Variants in UNKL observed in about 807,000 individuals in gnomAD.
UNKL encodes the protein unk like zinc finger.
In UNKL, 60 loss-of-function variants were observed where a neutral mutation model predicts 78.0. The observed-to-expected ratio is 0.77, with a 90% confidence interval of 0.63 to 0.95. UNKL has a LOEUF of 0.95. UNKL is among the 40% of genes least tolerant of loss of function. The pLI is 0.00. For synonymous variants in UNKL, 608 were observed against 474.8 expected, an observed-to-expected ratio of 1.28 and a Z score of -3.65; for missense variants, 1,159 against 1,045.7, an observed-to-expected ratio of 1.11 and a Z score of -1.49.
intron 2 of UNKL, among the ~76,000 whole-genome samples, chr16:1,406,965 C>T (rs994593738): frequency 6.6e-6 from 1 of 151,798 alleles, no homozygotes; most frequent in Non-Finnish European, 1.5e-5. Context: ...ATGGTGAAAC[C>T]CCATCTCTAC....
intron 2 of UNKL, among the ~76,000 whole-genome samples, chr16:1,405,502 G>A (rs1415703555): frequency 6.6e-6 from 1 of 151,982 alleles, no homozygotes; most frequent in Non-Finnish European, 1.5e-5. Flanking sequence ...CTTGAACCCG[G>A]GAGGCGGGGG....
At chr16:1,382,564 C>A (rs2036641161) in intron 10 of UNKL, among the ~76,000 whole-genome samples, 1 of 152,180 alleles carries the variant, frequency 6.6e-6, no homozygotes, top group South Asian at 2.1e-4. Context: ...CTGGAGGGTT[C>A]TCCGGCAGGT....
chr16:1,368,429 C>T (rs565129002), intron 12 of UNKL, among the ~76,000 whole-genome samples: 40 of 151,514 alleles, frequency 2.6e-4, no homozygotes, highest in African/African-American at 8.7e-4. Flanking sequence ...GGTGAAACCC[C>T]GTCTCTACTA....
rs2037627679 is a variant in UNKL at position 1,403,632 on chromosome 16, A to C, written c.288-288T>G. Among the ~76,000 whole-genome samples, 3 of 152,296 alleles carry C rather than the reference A, an allele frequency of 2.0e-5. 1 individual carries two copies. The South Asian group carries it at 6.2e-4, about 32-fold the overall frequency. On this transcript the variant is annotated intron_variant, in intron 2 of 14. Coordinates refer to ENST00000389221, the MANE Select transcript of UNKL (RefSeq NM_001372107.1). The surrounding 1 kb of genome is among the most constrained non-coding windows in gnomAD (Gnocchi z 4.8). Reference sequence around the variant, plus strand: ...TCAGCCAAACACAGCAGGAAACACAATGCTGAATTTCCACAAAGCTCATCC... The same window carrying C: ...TCAGCCAAACACAGCAGGAAACACACTGCTGAATTTCCACAAAGCTCATCC...
intron 12 of UNKL, among the ~76,000 whole-genome samples, chr16:1,368,406 T>C (rs1430097938): frequency 1.3e-5 from 2 of 150,658 alleles, no homozygotes. Flanking sequence ...ATCGAGACCA[T>C]CCTGGCTAAC....
At chr16:1,383,652 G>A in intron 10 of UNKL, 1 of 422,696 alleles carries the variant, frequency 2.4e-6, no homozygotes, top group Non-Finnish European at 4.9e-6. Context: ...TTGCAGCTGG[G>A]CCTGAGCAGT....
chr16:1,411,695 C>T (rs561204582), intron 2 of UNKL, among the ~76,000 whole-genome samples: 1 of 152,032 alleles, frequency 6.6e-6, no homozygotes, highest in South Asian at 2.1e-4. Context: ...CGTGGTGGCA[C>T]GCGCCTGTAA....
At chr16:1,392,024 G>C (rs938948109) in intron 8 of UNKL, among the ~76,000 whole-genome samples, 3 of 152,120 alleles carry the variant, frequency 2.0e-5, no homozygotes, top group Non-Finnish European at 2.9e-5. Flanking sequence ...GTGGCTCTCT[G>C]ACCTTGGGTT....
chr16:1,391,252 ACACACACACACACACACACAC>A (rs2037039183), intron 8 of UNKL, among the ~76,000 whole-genome samples: 1 of 3,602 alleles, frequency 2.8e-4, no homozygotes, highest in African/African-American at 6.8e-4. Context: ...ACACACACAC[ACACACACACACACACACACAC>A]ACACACACAC....
rs558903918 is a variant in UNKL at position 1,389,244 on chromosome 16, G to A, written c.1086+1388C>T. Among the ~76,000 whole-genome samples, 10 of 152,218 alleles carry A rather than the reference G, an allele frequency of 6.6e-5. No homozygotes were observed. The South Asian group carries it at 1.4e-3, about 22-fold the overall frequency. On this transcript the variant is annotated intron_variant, in intron 9 of 14. Coordinates refer to ENST00000389221, the MANE Select transcript of UNKL (RefSeq NM_001372107.1). ...TTCCTACGTGGAAGCCTTGACCCCC[G>A]GTGTGACTAAATTTGGAGATAGGGC...
Position 1,397,248 on chromosome 16 carries a change from G to A in UNKL, c.782C>T (p.Pro261Leu). 6.5e-7 allele frequency: 1 copy of A among 1,542,654 alleles called. No individual in the cohort carries two copies. Among genetic ancestry groups the A allele is most frequent in the Non-Finnish European group, 8.7e-7 (1 of 1,146,904 alleles). ...SVKHGDEWGE[P>L]SRCDGGDGCQ... Reference sequence around the variant, plus strand: ...GCCGTCGCCGCCATCGCAGCGTGAGGGTTCCCCCCACTCATCCCCGTGCTT... The same window carrying A: ...GCCGTCGCCGCCATCGCAGCGTGAGAGTTCCCCCCACTCATCCCCGTGCTT... The change falls in exon 6 of 15, where the codon CCC (proline) becomes CTC (leucine). Residue 261 changes from proline to leucine, a missense_variant. Coordinates refer to ENST00000389221, the MANE Select transcript of UNKL (RefSeq NM_001372107.1).
At chr16:1,384,787 C>A (rs1407578320) in intron 10 of UNKL, among the ~76,000 whole-genome samples, 1 of 152,084 alleles carries the variant, frequency 6.6e-6, no homozygotes, top group Non-Finnish European at 1.5e-5. Context: ...TTAGTAGAGT[C>A]GGGGTCTCAC....
intron 14 of UNKL, 70 bp downstream of exon 14, chr16:1,367,022 G>A (rs2035327512): frequency 6.9e-7 from 1 of 1,456,554 alleles, no homozygotes; most frequent in Non-Finnish European, 9.0e-7. Context: ...ACCAGCCAGG[G>A]CCCTCCCCAG....
chr16:1,390,299 G>A (rs2036993695), intron 9 of UNKL, among the ~76,000 whole-genome samples: 1 of 152,170 alleles, frequency 6.6e-6, no homozygotes, highest in South Asian at 2.1e-4. Flanking sequence ...TCTGCTGTTG[G>A]AACGGCCCCA....
chr16:1,413,417 A>C (rs1487310021), intron 2 of UNKL, among the ~76,000 whole-genome samples: 5 of 151,868 alleles, frequency 3.3e-5, no homozygotes, highest in African/African-American at 4.8e-5. Flanking sequence ...AAAAATAAAA[A>C]ATTAGCTGGG....
chr16:1,384,430 C>T (rs970015039), intron 10 of UNKL, among the ~76,000 whole-genome samples: 1 of 152,148 alleles, frequency 6.6e-6, no homozygotes, highest in African/African-American at 2.4e-5. Context: ...CGGGTCCCCA[C>T]AGCCCAGCAC....
chr16:1,388,345 G>A (rs1362140805), intron 9 of UNKL, among the ~76,000 whole-genome samples: 2 of 152,292 alleles, frequency 1.3e-5, no homozygotes, highest in Middle Eastern at 3.4e-3. Context: ...CTCCCAAAGC[G>A]CTGCCCGGCC....
chr16:1,411,882 A>C (rs943173509), intron 2 of UNKL: 1 of 152,264 alleles, frequency 6.6e-6, no homozygotes, highest in Non-Finnish European at 1.5e-5. Context: ...TCAGTATTTA[A>C]AGTTTCTAGC....
At chr16:1,369,713 G>A (rs1299659344) in intron 12 of UNKL, among the ~76,000 whole-genome samples, 3 of 152,206 alleles carry the variant, frequency 2.0e-5, no homozygotes, top group Non-Finnish European at 4.4e-5. Flanking sequence ...GGGCACGGTG[G>A]CTCACTGTCA....
Sources: gnomAD v4.1 joint callset for allele counts (sites outside exome capture counted in the v4.1 genomes callset) on GRCh38, gnomAD v4.1.1 for gene constraint, Gnocchi (gnomAD v3.1) non-coding constraint, MANE v1.5 for transcripts, NCBI Gene and HGNC (gene_info 2026-07-23, HGNC 2026-07-21) for gene names.